ZBTB16: variants seen among roughly 807,000 people sequenced by gnomAD.
ZBTB16 encodes the protein zinc finger and BTB domain containing 16.
ZBTB16 carries 8 observed loss-of-function variants against 56.8 expected under a neutral mutation model. That is an observed-to-expected ratio of 0.14 (90% confidence interval 0.08 to 0.25). The LOEUF (loss-of-function observed/expected upper bound fraction) is 0.25. Ranked by LOEUF, ZBTB16 falls within the 10% of genes least tolerant of loss-of-function variation. The pLI is 1.00. For missense variants in ZBTB16, 625 were observed against 903.0 expected (o/e 0.69, Z 3.95); for synonymous variants, 363 against 368.5 (o/e 0.98, Z 0.17).
chr11:114,090,199 G>A (rs1940133220), intron 2 of ZBTB16, among the ~76,000 whole-genome samples: 1 of 152,232 alleles, frequency 6.6e-6, no homozygotes, highest in African/African-American at 2.4e-5. Context: ...TTCCCTGCCA[G>A]GATATTCTGT....
intron 3 of ZBTB16, among the ~76,000 whole-genome samples, chr11:114,173,065 T>G (rs533881657): frequency 1.9e-4 from 29 of 152,284 alleles, no homozygotes; most frequent in Middle Eastern, 3.4e-3. Flanking sequence ...CCTGCAAGGC[T>G]CTTTAGATCC....
At chr11:114,216,388 C>A (rs1944096434) in intron 4 of ZBTB16, among the ~76,000 whole-genome samples, 1 of 152,210 alleles carries the variant, frequency 6.6e-6, no homozygotes, top group South Asian at 2.1e-4. Context: ...TGCCTTGTCC[C>A]ACCCTTACTA....
rs536029487 is a variant in ZBTB16 at position 114,112,138 on chromosome 11, C to T, written c.1269-44199C>T. The stretch of plus-strand genomic sequence containing the variant: ...TAAAACTTTTTGCATGATTTTCTTT[C>T]GGATTTTTGCCTTTTCCTTGCACAT... On this transcript the variant is annotated intron_variant, in intron 2 of 6. Transcript: ENST00000335953. 1.4e-3 allele frequency among the ~76,000 whole-genome samples: 207 copies of T among 152,268 alleles called. 3 individuals carry two copies. In the South Asian group the frequency reaches 0.029, roughly 21 times the overall value.
At chr11:114,186,742 A>G (rs558813397) in intron 3 of ZBTB16, among the ~76,000 whole-genome samples, 1 of 152,178 alleles carries the variant, frequency 6.6e-6, no homozygotes, top group Admixed American at 6.5e-5. Flanking sequence ...CCTTCTCTCT[A>G]GAAGAGCCCT....
At chr11:114,236,024 C>A (rs2135186937) in intron 4 of ZBTB16, among the ~76,000 whole-genome samples, 1 of 152,186 alleles carries the variant, frequency 6.6e-6, no homozygotes, top group African/African-American at 2.4e-5. Flanking sequence ...CATGCATCCC[C>A]TTTTCCTACT....
Position 114,241,903 on chromosome 11 carries a change from A to G in ZBTB16, c.1454-264A>G, listed in dbSNP as rs141588479. Among the ~76,000 whole-genome samples the G allele has an allele frequency of 6.4e-4, 98 of 152,162 alleles. 2 individuals are homozygous for G. In the East Asian group the frequency reaches 0.013, roughly 20 times the overall value. On this transcript the variant is annotated intron_variant, in intron 4 of 6. Coordinates refer to ENST00000335953, the MANE Select transcript of ZBTB16 (RefSeq NM_006006.6). ...TACATACCACCCGACACAGTTGCCC[A>G]CTACCCTTGCTGCTGCGATGTATTT...
chr11:114,102,310 G>A (rs916095782), intron 2 of ZBTB16, among the ~76,000 whole-genome samples: 10 of 152,164 alleles, frequency 6.6e-5, no homozygotes, highest in African/African-American at 1.9e-4. Context: ...CCAAGTTTGG[G>A]TTTAAATCTC....
chr11:114,067,908 C>T (rs1235660289), intron 2 of ZBTB16, among the ~76,000 whole-genome samples: 1 of 151,830 alleles, frequency 6.6e-6, no homozygotes, highest in Non-Finnish European at 1.5e-5. Context: ...GGCTTTTTTT[C>T]TCCCCCTCAC....
intron 4 of ZBTB16, among the ~76,000 whole-genome samples, chr11:114,238,477 G>C (rs895158868): frequency 6.6e-6 from 1 of 152,028 alleles, no homozygotes; most frequent in Non-Finnish European, 1.5e-5. Context: ...TGATTTCTCG[G>C]TGTCCTCACG....
At chr11:114,116,002 G>A (rs1411375129) in intron 2 of ZBTB16, among the ~76,000 whole-genome samples, 2 of 152,202 alleles carry the variant, frequency 1.3e-5, no homozygotes, top group Non-Finnish European at 2.9e-5. Flanking sequence ...ACCACTGGAA[G>A]CAATTACTGC....
At chr11:114,148,256 A>G (rs914769682) in intron 2 of ZBTB16, among the ~76,000 whole-genome samples, 1 of 151,838 alleles carries the variant, frequency 6.6e-6, no homozygotes, top group African/African-American at 2.4e-5. Flanking sequence ...GGCTCAGGAC[A>G]GTTCCCTCCA....
intron 3 of ZBTB16, among the ~76,000 whole-genome samples, chr11:114,168,367 A>G (rs1451242145): frequency 6.6e-6 from 1 of 152,214 alleles, no homozygotes; most frequent in Admixed American, 6.5e-5. Flanking sequence ...GACACATAGC[A>G]GGCTCTCAGG....
intron 2 of ZBTB16, among the ~76,000 whole-genome samples, chr11:114,086,903 G>A (rs779291453): frequency 6.6e-5 from 10 of 152,054 alleles, no homozygotes; most frequent in Admixed American, 2.6e-4. Context: ...TTACTTTTGC[G>A]CCAACTAATA....
intron 2 of ZBTB16, among the ~76,000 whole-genome samples, chr11:114,150,359 G>T (rs1347519405): frequency 1.3e-5 from 2 of 152,200 alleles, no homozygotes; most frequent in African/African-American, 4.8e-5. Context: ...GCTAGTCTGG[G>T]CGTGGTGGCT....
intron 4 of ZBTB16, among the ~76,000 whole-genome samples, chr11:114,226,727 G>T (rs1374705808): frequency 6.6e-6 from 1 of 152,072 alleles, no homozygotes; most frequent in Admixed American, 6.6e-5. Context: ...ACATGACCTT[G>T]AACTCCAGCC....
At chr11:114,148,469 C>CTCTCTCTCTCTTTCTT (rs36194689) in intron 2 of ZBTB16, among the ~76,000 whole-genome samples, 5 of 60,950 alleles carry the variant, frequency 8.2e-5, no homozygotes, top group Admixed American at 4.2e-4. Context: ...CTCTCTCTCT[C>CTCTCTCTCTCTTTCTT]TCTTTCTTTC....
chr11:114,187,185 C>T (rs910447076), intron 4 of ZBTB16, 147 bp downstream of exon 4: 6 of 759,546 alleles, frequency 7.9e-6, no homozygotes, highest in Admixed American at 4.0e-5. Context: ...GCTTCTGCCA[C>T]GTTCAGCTAC....
rs558139810 is a variant in ZBTB16, at chr11:114,196,412, T to C, written c.1453+9374T>C. On this transcript the variant is annotated intron_variant, in intron 4 of 6. Transcript: ENST00000335953. ...AGTAAGAAAAAAGAGGCAAGGTCAT[T>C]CCTAGGTTTAGAAGTTCTGAGGCTG... Among the ~76,000 whole-genome samples the C allele has an allele frequency of 4.1e-4, 15 of 36,720 alleles. No homozygotes were observed. In the South Asian group the frequency reaches 9.0e-3, roughly 22 times the overall value. The allele number at this position is 36,720 out of a possible 152,430, so 24.1% of individuals were successfully genotyped here.
chr11:114,071,037 CCTTAA>C (rs2137672150), intron 2 of ZBTB16, among the ~76,000 whole-genome samples: 1 of 152,200 alleles, frequency 6.6e-6, no homozygotes, highest in Non-Finnish European at 1.5e-5. Flanking sequence ...TCATCGTGAG[CCTTAA>C]CTTCTTCATT....
Sources: allele counts gnomAD v4.1 joint callset (sites outside exome capture counted in the v4.1 genomes callset), GRCh38; gene constraint gnomAD v4.1.1; transcripts MANE v1.5; gene names NCBI Gene and HGNC (gene_info 2026-07-23, HGNC 2026-07-21).